PTPRD: variants seen among roughly 807,000 people sequenced by gnomAD.
PTPRD encodes the protein receptor-type tyrosine-protein phosphatase delta.
Under a neutral mutation model 214.5 loss-of-function variants are expected in PTPRD, and 34 were observed. The observed-to-expected ratio is 0.16, with a 90% CI of 0.12 to 0.21. The LOEUF is 0.21. PTPRD is among the 10% of genes least tolerant of loss of function. The probability of loss-of-function intolerance (pLI) is 1.00; values close to 1 mark genes in which losing one functional copy is unlikely to be tolerated. For synonymous variants in PTPRD, 1,128 were observed against 845.7 expected, an observed-to-expected ratio of 1.33 and a Z score of -5.79; for missense variants, 2,545 against 2,398.7, an observed-to-expected ratio of 1.06 and a Z score of -1.27.
intron 14 of PTPRD, among the ~76,000 whole-genome samples, chr9:8,620,859 A>G (rs570439654): frequency 6.6e-6 from 1 of 152,156 alleles, no homozygotes; most frequent in African/African-American, 2.4e-5. Context: ...TGAGACTCAC[A>G]TTCAAGTGCT....
intron 12 of PTPRD, among the ~76,000 whole-genome samples, chr9:8,643,376 AG>A (rs139427454): frequency 6.6e-6 from 1 of 152,170 alleles, no homozygotes; most frequent in Non-Finnish European, 1.5e-5. Context: ...GAAGGAAGGC[AG>A]GAAGAAAGAA....
intron 10 of PTPRD, among the ~76,000 whole-genome samples, chr9:9,066,681 T>C (rs1268741511): frequency 6.6e-6 from 1 of 152,038 alleles, no homozygotes. Flanking sequence ...AGACGAAGAT[T>C]TCAGAGACAG....
chr9:9,132,255 C>G (rs561338260), intron 10 of PTPRD, among the ~76,000 whole-genome samples: 1 of 152,078 alleles, frequency 6.6e-6, no homozygotes, highest in South Asian at 2.1e-4. Flanking sequence ...GTGATCCGCC[C>G]GCTTCGGCCT....
chr9:10,165,177 C>T (rs1308482226), intron 3 of PTPRD, among the ~76,000 whole-genome samples: 2 of 151,600 alleles, frequency 1.3e-5, no homozygotes, highest in Non-Finnish European at 3.0e-5. Flanking sequence ...TTATACAGCT[C>T]AAAAGATTAC....
intron 2 of PTPRD, among the ~76,000 whole-genome samples, chr9:10,359,712 T>G (rs577378853): frequency 3.3e-5 from 5 of 152,176 alleles, no homozygotes; most frequent in African/African-American, 1.2e-4. Context: ...TAATTAAACC[T>G]ATTTAACATA....
At chr9:10,326,728 T>C (rs531662632) in intron 3 of PTPRD, among the ~76,000 whole-genome samples, 1 of 151,678 alleles carries the variant, frequency 6.6e-6, no homozygotes, top group South Asian at 2.1e-4. Flanking sequence ...TTTCATCCAT[T>C]TTATATAAAC....
chr9:9,649,816 T>C (rs2096287431), intron 7 of PTPRD, among the ~76,000 whole-genome samples: 2 of 152,256 alleles, frequency 1.3e-5, no homozygotes, highest in South Asian at 2.1e-4. Context: ...AGCTTTAACA[T>C]TTAATAAAAT....
At chr9:9,644,887 C>G (rs1414092639) in intron 7 of PTPRD, among the ~76,000 whole-genome samples, 1 of 152,168 alleles carries the variant, frequency 6.6e-6, no homozygotes, top group African/African-American at 2.4e-5. Context: ...TCCCATCCCA[C>G]TGAGTGCCAC....
chr9:8,713,705 T>C, intron 12 of PTPRD: 1 of 1,512,270 alleles, frequency 6.6e-7, no homozygotes, highest in South Asian at 1.1e-5. Context: ...GTGGAAGAGA[T>C]CGCGGCCAGC....
intron 8 of PTPRD, among the ~76,000 whole-genome samples, chr9:9,411,556 T>TAAAC (rs2075437617): frequency 6.6e-6 from 1 of 152,166 alleles, no homozygotes; most frequent in African/African-American, 2.4e-5. Flanking sequence ...TTGAAATCAT[T>TAAAC]AAACATGAAG....
At chr9:9,141,737 ATATT>A (rs2099860802) in intron 10 of PTPRD, among the ~76,000 whole-genome samples, 1 of 150,586 alleles carries the variant, frequency 6.6e-6, no homozygotes, top group Non-Finnish European at 1.5e-5. Context: ...ATGTAAACAT[ATATT>A]TATATATTAT....
At chr9:9,781,850 TG>T in intron 5 of PTPRD, among the ~76,000 whole-genome samples, 1 of 150,472 alleles carries the variant, frequency 6.6e-6, no homozygotes, top group South Asian at 2.1e-4. Context: ...TGGAGTGCAG[TG>T]GCGCAATCTC....
At chr9:10,333,822 G>A (rs943518629) in intron 3 of PTPRD, among the ~76,000 whole-genome samples, 1 of 151,684 alleles carries the variant, frequency 6.6e-6, no homozygotes, top group Non-Finnish European at 1.5e-5. Context: ...GATTGTTGTG[G>A]AATTAGCTCC....
At chr9:8,535,283 C>T (rs890598148) in intron 14 of PTPRD, among the ~76,000 whole-genome samples, 2 of 151,800 alleles carry the variant, frequency 1.3e-5, no homozygotes, top group East Asian at 3.9e-4. Context: ...CAATAAACTG[C>T]AAATGAGAAA....
intron 2 of PTPRD, among the ~76,000 whole-genome samples, chr9:10,343,462 G>C (rs1003106939): frequency 6.6e-6 from 1 of 152,068 alleles, no homozygotes; most frequent in Non-Finnish European, 1.5e-5. Context: ...CTTTATAGTA[G>C]CATGATTTAT....
rs144595674 is a variant in PTPRD, at chr9:10,083,111, A to G, written c.-544-49321T>C. On this transcript the variant is annotated intron_variant, in intron 3 of 45. Transcript: ENST00000381196. ...TCTCTCTGCTTCTTTATTTATGATG[A>G]TATTCTATACCCTATAAAATATACC... 3.3e-3 allele frequency among the ~76,000 whole-genome samples: 500 copies of G among 152,020 alleles called. 4 individuals carry two copies. Among genetic ancestry groups the G allele is most frequent in the African/African-American group, 0.012 (483 of 41,482 alleles).
chr9:8,469,589 T>A (rs2134787153), intron 31 of PTPRD, among the ~76,000 whole-genome samples: 1 of 152,236 alleles, frequency 6.6e-6, no homozygotes, highest in South Asian at 2.1e-4. Context: ...AAAGAGCAGC[T>A]GATCATTCTG....
At chr9:9,605,479 T>C (rs1377034075) in intron 7 of PTPRD, among the ~76,000 whole-genome samples, 1 of 152,070 alleles carries the variant, frequency 6.6e-6, no homozygotes, top group Non-Finnish European at 1.5e-5. Flanking sequence ...TTTTGGTTTC[T>C]TTATATGTTT....
Position 8,923,248 on chromosome 9 carries a change from G to A in PTPRD, c.-104+95449C>T, listed in dbSNP as rs1314170613. ...GTAGAGACAGGGTTTCACCATGTTG[G>A]CCAGGCTGGTCTCGAACTCCTGACC... is the stretch of plus-strand genomic sequence containing the variant. On this transcript the variant is annotated intron_variant, in intron 11 of 45. Transcript: ENST00000381196. Among the ~76,000 whole-genome samples the A allele has an allele frequency of 2.0e-5, 3 of 151,428 alleles. No homozygotes were observed. The East Asian group carries it at 5.9e-4, about 30-fold the overall frequency.
Sources: gnomAD v4.1 joint callset for allele counts (sites outside exome capture counted in the v4.1 genomes callset) on GRCh38, gnomAD v4.1.1 for gene constraint, MANE v1.5 for transcripts, NCBI Gene and HGNC (gene_info 2026-07-23, HGNC 2026-07-21) for gene names.